RAB28: variants seen among roughly 807,000 people sequenced by gnomAD.
The protein encoded by RAB28 is RAB28, member RAS oncogene family.
Under a neutral mutation model 31.7 loss-of-function variants are expected in RAB28, and 24 were observed. The observed-to-expected ratio is 0.76, with a 90% CI of 0.55 to 1.06. The LOEUF (loss-of-function observed/expected upper bound fraction) is 1.06. Ranked by LOEUF, RAB28 falls within the 50% of genes least tolerant of loss-of-function variation. The probability of loss-of-function intolerance (pLI) is 0.00; values close to 1 mark genes in which losing one functional copy is unlikely to be tolerated. For synonymous variants in RAB28, 100 were observed against 90.4 expected (o/e 1.11, Z -0.60); for missense variants, 254 against 258.5 (o/e 0.98, Z 0.12).
intron 4 of RAB28, among the ~76,000 whole-genome samples, chr4:13,396,497 A>G (rs1188963425): frequency 6.6e-6 from 1 of 152,084 alleles, no homozygotes; most frequent in African/African-American, 2.4e-5. Flanking sequence ...CCATATTAGA[A>G]GAATTGCTAA....
intron 4 of RAB28, among the ~76,000 whole-genome samples, chr4:13,392,919 T>A (rs1435403852): frequency 1.3e-5 from 2 of 152,166 alleles, no homozygotes; most frequent in African/African-American, 4.8e-5. Context: ...CTCATAAGGT[T>A]GCTATAATGG....
At chr4:13,399,439 CT>C (rs1711619737) in intron 4 of RAB28, among the ~76,000 whole-genome samples, 2 of 152,166 alleles carry the variant, frequency 1.3e-5, no homozygotes, top group African/African-American at 4.8e-5. Context: ...GATAATATGC[CT>C]AGCTGTCTAA....
chr4:13,412,501 C>A (rs149177081), intron 4 of RAB28, among the ~76,000 whole-genome samples: 3,100 of 152,120 alleles, frequency 0.02, 34 homozygotes, highest in African/African-American at 0.034. Context: ...AGAACATGGC[C>A]TTGACCTCTC....
intron 6 of RAB28, chr4:13,370,135 C>T (rs1255118300): frequency 2.8e-5 from 27 of 978,720 alleles, no homozygotes; most frequent in Non-Finnish European, 3.3e-5. Flanking sequence ...ACACAAACAG[C>T]AGAATGTACA....
intron 4 of RAB28, among the ~76,000 whole-genome samples, chr4:13,432,073 A>T (rs769873628): frequency 2.6e-5 from 4 of 152,134 alleles, no homozygotes; most frequent in Non-Finnish European, 5.9e-5. Flanking sequence ...ATGAAAGATG[A>T]GATAGCTATA....
At chr4:13,389,433 A>G (rs1034473558) in intron 4 of RAB28, among the ~76,000 whole-genome samples, 1 of 152,146 alleles carries the variant, frequency 6.6e-6, no homozygotes, top group Non-Finnish European at 1.5e-5. Context: ...TGAAATGGTT[A>G]AGATGGTAAA....
intron 4 of RAB28, among the ~76,000 whole-genome samples, chr4:13,422,675 T>C (rs1713233632): frequency 6.6e-6 from 1 of 151,498 alleles, no homozygotes; most frequent in African/African-American, 2.4e-5. Context: ...CTGCATGTGC[T>C]CACTCATCGG....
chr4:13,466,261 A>C (rs1715838292), intron 3 of RAB28, among the ~76,000 whole-genome samples: 1 of 151,962 alleles, frequency 6.6e-6, no homozygotes, highest in Non-Finnish European at 1.5e-5. Context: ...GGAAAAAATT[A>C]ACAGTGTGCA....
chr4:13,451,119 T>C (rs1714946149), intron 4 of RAB28, among the ~76,000 whole-genome samples: 1 of 151,810 alleles, frequency 6.6e-6, no homozygotes. Flanking sequence ...GCTACTGTTG[T>C]AGTTTATATG....
At chr4:13,436,289 C>A (rs999178078) in intron 4 of RAB28, among the ~76,000 whole-genome samples, 1 of 152,082 alleles carries the variant, frequency 6.6e-6, no homozygotes, top group Non-Finnish European at 1.5e-5. Flanking sequence ...CCCGTAAGAA[C>A]TGCAACAAGA....
At chr4:13,480,222 A>G (rs570380402) in intron 1 of RAB28, among the ~76,000 whole-genome samples, 14 of 151,896 alleles carry the variant, frequency 9.2e-5, no homozygotes, top group African/African-American at 3.4e-4. Flanking sequence ...ATAGAAACTG[A>G]AAGTTTTAGT....
chr4:13,483,159 G>C (rs1314643689), intron 1 of RAB28, among the ~76,000 whole-genome samples: 1 of 152,144 alleles, frequency 6.6e-6, no homozygotes. Flanking sequence ...AGACCCCTCT[G>C]AGATCTTATG....
chr4:13,376,522 AATAT>A lies in RAB28; in HGVS notation c.573+19_573+22del, dbSNP rs1394999511. 3 of 1,540,894 alleles carry A rather than the reference AATAT, an allele frequency of 1.9e-6. No homozygotes were observed. The highest frequency in any genetic ancestry group is 2.6e-6 in the Non-Finnish European group (3 of 1,134,540). ...TTGTAAGAAATTCATTAATTTTTTAAATATAAAGTTCAAGGTAATCACCTGTGAC... is the reference window on the plus strand; with the variant it reads ...TTGTAAGAAATTCATTAATTTTTTAAAAAGTTCAAGGTAATCACCTGTGAC... On this transcript the variant is annotated intron_variant, in intron 6 of 6. Coordinates refer to ENST00000330852, the MANE Select transcript of RAB28 (RefSeq NM_001017979.3).
At chr4:13,369,251 A>G (rs1479207658) in intron 6 of RAB28, among the ~76,000 whole-genome samples, 2 of 152,138 alleles carry the variant, frequency 1.3e-5, no homozygotes, top group African/African-American at 4.8e-5. Context: ...GGTTATGAAT[A>G]CAACTCTAAC....
At chr4:13,446,522 A>G (rs1577222794) in intron 4 of RAB28, among the ~76,000 whole-genome samples, 1 of 152,198 alleles carries the variant, frequency 6.6e-6, no homozygotes, top group East Asian at 1.9e-4. Context: ...CTCCTGATCC[A>G]TGGATTGTAA....
chr4:13,380,250 ATAT>A (rs1315456826), intron 5 of RAB28, among the ~76,000 whole-genome samples: 2 of 152,296 alleles, frequency 1.3e-5, no homozygotes. Context: ...AACCCCCATC[ATAT>A]TATTTATTTT....
At chr4:13,371,749 C>T in intron 6 of RAB28, 4 of 1,545,482 alleles carry the variant, frequency 2.6e-6, no homozygotes, top group Middle Eastern at 1.8e-4. Context: ...ATTTAAAAGC[C>T]ATTTATTGAT....
At chr4:13,376,498 T>C in intron 6 of RAB28, 47 bp downstream of exon 6, 1 of 1,398,462 alleles carries the variant, frequency 7.2e-7, no homozygotes, top group Non-Finnish European at 9.9e-7. Context: ...ATTAATGCCT[T>C]GTAAGAAATT....
At chr4:13,370,974 T>C in intron 6 of RAB28, 2 of 982,790 alleles carry the variant, frequency 2.0e-6, no homozygotes, top group Non-Finnish European at 2.4e-6. Flanking sequence ...GATTTAAACC[T>C]ATCCTCGCTA....
Sources: allele counts gnomAD v4.1 joint callset (sites outside exome capture counted in the v4.1 genomes callset), GRCh38; gene constraint gnomAD v4.1.1; transcripts MANE v1.5; gene names NCBI Gene and HGNC (gene_info 2026-07-23, HGNC 2026-07-21).